Variants in MYO5B observed in about 807,000 individuals in gnomAD.
The protein encoded by MYO5B is unconventional myosin-Vb.
In MYO5B, 143 loss-of-function variants were observed where a neutral mutation model predicts 229.3. That is an observed-to-expected ratio of 0.62 (90% confidence interval 0.54 to 0.72). The LOEUF is 0.72. MYO5B is among the 30% of genes least tolerant of loss of function. The pLI is 0.00. For synonymous variants in MYO5B, 918 were observed against 885.2 expected, an observed-to-expected ratio of 1.04 and a Z score of -0.66; for missense variants, 2,321 against 2,331.0, an observed-to-expected ratio of 1.00 and a Z score of 0.09.
chr18:50,062,065 T>G (rs973553995), intron 1 of MYO5B, among the ~76,000 whole-genome samples: 4 of 152,154 alleles, frequency 2.6e-5, no homozygotes, highest in South Asian at 2.1e-4. Context: ...AGTCCTCCAC[T>G]GTCTACCCCA....
At chr18:50,042,973 T>C (rs562879315) in intron 2 of MYO5B, among the ~76,000 whole-genome samples, 5 of 152,178 alleles carry the variant, frequency 3.3e-5, no homozygotes, top group Admixed American at 2.6e-4. Context: ...TCTCTTCAAC[T>C]CTTCCCCCCA....
chr18:49,962,918 TGGTACCCCCA>T (rs2025576952), intron 11 of MYO5B, 21 bp downstream of exon 11: 6 of 1,590,096 alleles, frequency 3.8e-6, no homozygotes, highest in Non-Finnish European at 5.2e-6. Context: ...CCCCCAATCC[TGGTACCCCCA>T]GGTCTAGAAA....
intron 1 of MYO5B, among the ~76,000 whole-genome samples, chr18:50,109,191 G>A (rs1335947087): frequency 1.3e-5 from 2 of 152,160 alleles, no homozygotes; most frequent in Admixed American, 6.5e-5. Context: ...GAGGGCAAAT[G>A]GCAACTGAAT....
intron 27 of MYO5B, among the ~76,000 whole-genome samples, chr18:49,868,619 C>T (rs2024423815): frequency 6.6e-6 from 1 of 152,216 alleles, no homozygotes; most frequent in South Asian, 2.1e-4. Context: ...CTTTTGGCTA[C>T]CAGGCCTGTC....
At chr18:50,163,295 G>GTGGGGAGAGAGCTCGGCTCGTTCA (rs1423176298) in intron 1 of MYO5B, among the ~76,000 whole-genome samples, 1 of 152,212 alleles carries the variant, frequency 6.6e-6, no homozygotes, top group East Asian at 1.9e-4. Context: ...AGAACTTGCA[G>GTGGGGAGAGAGCTCGGCTCGTTCA]TGGGGAGAGA....
chr18:49,903,228 C>T (rs558275932), intron 20 of MYO5B, among the ~76,000 whole-genome samples: 18 of 151,928 alleles, frequency 1.2e-4, no homozygotes, highest in Non-Finnish European at 2.4e-4. Context: ...GTGTCCACAG[C>T]AGGCTAATGG....
intron 14 of MYO5B, among the ~76,000 whole-genome samples, chr18:49,951,154 C>A (rs528672064): frequency 2.0e-5 from 3 of 152,174 alleles, no homozygotes; most frequent in Admixed American, 1.3e-4. Flanking sequence ...TGTATGACTC[C>A]AGGTGGAAGG....
intron 1 of MYO5B, among the ~76,000 whole-genome samples, chr18:50,117,058 T>C (rs2457967): frequency 0.53 from 81,250 of 151,924 alleles, 21,905 homozygotes; most frequent in Admixed American, 0.63. Context: ...CCCTATCTTC[T>C]TTGATAATAA....
In MYO5B at chr18:49,843,382, G is replaced by C. The variant is rs1489936867; in HGVS notation, c.4470C>G (p.Pro1490=). 1 of 1,614,194 alleles carries C rather than the reference G, an allele frequency of 6.2e-7. No individual in the cohort carries two copies. Among genetic ancestry groups the C allele is most frequent in the Admixed American group, 1.7e-5 (1 of 60,020 alleles). Residue 1490 remains proline, a synonymous_variant, in exon 34 of 40, where the codon CCC becomes CCG. Transcript: ENST00000285039. The part of the protein sequence containing the change: ...LIRNLVTDLK[P]QMLSGTVPCL... ...AGGGCACTGTGCCCGACAGCATCTGGGGCTTCAAGTCTAAGGGCAACGAGA... is the reference window on the plus strand; with the variant it reads ...AGGGCACTGTGCCCGACAGCATCTGCGGCTTCAAGTCTAAGGGCAACGAGA...
At chr18:49,875,636 G>T (rs1473929775) in intron 26 of MYO5B, 51 bp downstream of exon 26, 6 of 1,612,196 alleles carry the variant, frequency 3.7e-6, no homozygotes, top group Non-Finnish European at 5.1e-6. Context: ...ACAAGAGCTA[G>T]ATTGTTCTCT....
chr18:50,124,978 A>G (rs1381643614), intron 1 of MYO5B, among the ~76,000 whole-genome samples: 1 of 152,032 alleles, frequency 6.6e-6, no homozygotes, highest in Non-Finnish European at 1.5e-5. Context: ...AGGACTGGAT[A>G]TAAGCAGCTG....
At chr18:49,972,202 C>A (rs1173347447) in intron 10 of MYO5B, among the ~76,000 whole-genome samples, 2 of 152,288 alleles carry the variant, frequency 1.3e-5, no homozygotes, top group Non-Finnish European at 2.9e-5. Context: ...GCCATCCTTG[C>A]GATCTATTTC....
chr18:49,846,499 G>A (rs180875228), intron 33 of MYO5B, among the ~76,000 whole-genome samples: 5 of 152,246 alleles, frequency 3.3e-5, no homozygotes, highest in East Asian at 1.9e-4. Context: ...GGCCATGTGC[G>A]GCTAGTTAGG....
chr18:49,897,477 G>A (rs1434969370), intron 21 of MYO5B, among the ~76,000 whole-genome samples: 2 of 152,142 alleles, frequency 1.3e-5, no homozygotes, highest in Non-Finnish European at 2.9e-5. Context: ...TGGGTACATA[G>A]TAGGTGTGTA....
rs139652153 is a variant in MYO5B at position 50,165,290 on chromosome 18, C to T, written c.27+29477G>A. ...TTGAGTCCAGGAGTTTGAGAACAGC[C>T]TGGGCAACATGGCAAAACCCCATCT... On this transcript the variant is annotated intron_variant, in intron 1 of 39. Coordinates refer to ENST00000285039, the MANE Select transcript of MYO5B (RefSeq NM_001080467.3). Among the ~76,000 whole-genome samples the T allele has an allele frequency of 4.4e-3, 673 of 152,034 alleles. 3 individuals are homozygous for T. The highest frequency in any genetic ancestry group is 0.014 in the African/African-American group (599 of 41,466).
At chr18:49,881,888 A>C (rs1488866145) in intron 22 of MYO5B, among the ~76,000 whole-genome samples, 1 of 152,158 alleles carries the variant, frequency 6.6e-6, no homozygotes, top group African/African-American at 2.4e-5. Context: ...TGGGTTTTTA[A>C]AAAGTAACAA....
intron 1 of MYO5B, among the ~76,000 whole-genome samples, chr18:50,094,215 A>G (rs747952068): frequency 6.6e-6 from 1 of 152,198 alleles, no homozygotes; most frequent in African/African-American, 2.4e-5. Flanking sequence ...TAATCATGGT[A>G]TATTAACCAA....
intron 31 of MYO5B, chr18:49,850,075 C>T: frequency 3.2e-6 from 1 of 310,642 alleles, no homozygotes; most frequent in Non-Finnish European, 6.3e-6. Context: ...GTTGGAAGAG[C>T]AAGTGGGCAA....
intron 5 of MYO5B, among the ~76,000 whole-genome samples, chr18:50,000,339 T>C (rs2144325395): frequency 6.6e-6 from 1 of 152,116 alleles, no homozygotes; most frequent in East Asian, 1.9e-4. Context: ...GTAGGTGTGA[T>C]GATAGAAGGG....
Sources: allele counts gnomAD v4.1 joint callset (sites outside exome capture counted in the v4.1 genomes callset), GRCh38; gene constraint gnomAD v4.1.1; transcripts MANE v1.5; gene names NCBI Gene and HGNC (gene_info 2026-07-23, HGNC 2026-07-21).